The following CUL4A variants were observed in gnomAD, a reference collection of about 807,000 sequenced individuals.
CUL4A encodes cullin-4A.
In CUL4A, 16 loss-of-function variants were observed where a neutral mutation model predicts 95.5. The observed-to-expected ratio is 0.17, with a 90% confidence interval of 0.11 to 0.25. CUL4A has a LOEUF of 0.25. Among genes scored for constraint, CUL4A ranks in the 10% least tolerant of loss-of-function variants. The pLI is 1.00. For missense variants in CUL4A, 610 were observed against 937.0 expected (o/e 0.65, Z 4.56); for synonymous variants, 380 against 353.1 (o/e 1.08, Z -0.85).
At chr13:113,231,665 C>A (rs1006818062) in intron 5 of CUL4A, among the ~76,000 whole-genome samples, 11 of 152,150 alleles carry the variant, frequency 7.2e-5, no homozygotes, top group African/African-American at 2.7e-4. Context: ...GAAGGAAAGG[C>A]ACAGAGACAT....
intron 10 of CUL4A, among the ~76,000 whole-genome samples, chr13:113,242,282 T>G (rs932544147): frequency 6.7e-6 from 1 of 150,328 alleles, no homozygotes; most frequent in African/African-American, 2.4e-5. Flanking sequence ...AAAAAAAAAG[T>G]ACAAACTAAA....
At chr13:113,214,035 C>A (rs1318823658) in intron 2 of CUL4A, among the ~76,000 whole-genome samples, 1 of 152,202 alleles carries the variant, frequency 6.6e-6, no homozygotes, top group African/African-American at 2.4e-5. Context: ...AAAATAAAGT[C>A]TCAGTTTTTG....
At chr13:113,232,990 A>G (rs370916779) in intron 5 of CUL4A, among the ~76,000 whole-genome samples, 187 bp from the exon 6 acceptor site, 8 of 152,336 alleles carry the variant, frequency 5.3e-5, no homozygotes, top group African/African-American at 1.7e-4. Flanking sequence ...TGTTTAAGGA[A>G]GGAAATACAA....
intron 11 of CUL4A, among the ~76,000 whole-genome samples, chr13:113,244,015 T>C (rs9549361): frequency 0.21 from 32,607 of 152,122 alleles, 4,003 homozygotes; most frequent in South Asian, 0.43. Context: ...CCTTGGATGC[T>C]CTGAGAAAGT....
chr13:113,233,330 T>G lies in CUL4A; in HGVS notation c.666T>G (p.Ser222=), dbSNP rs966535875. 1 of 1,612,702 alleles carries G rather than the reference T, an allele frequency of 6.2e-7. No homozygotes were observed. Among genetic ancestry groups the G allele is most frequent in the East Asian group, 2.2e-5 (1 of 44,904 alleles). Residue 222 remains serine (S), a synonymous_variant, in exon 6 of 20, where the codon TCT becomes TCG. Coordinates refer to ENST00000375440, the MANE Select transcript of CUL4A (RefSeq NM_001008895.4). ...SLLRSLLGML[S]DLQVYKDSFE... Reference sequence around the variant, plus strand: ...TGCGGAGCCTCCTGGGCATGCTGTCTGACCTGCAGGTGAGTGCTGCCTGTG... The same window carrying G: ...TGCGGAGCCTCCTGGGCATGCTGTCGGACCTGCAGGTGAGTGCTGCCTGTG...
At chr13:113,209,261 C>T (rs1377709301), upstream of CUL4A, among the ~76,000 whole-genome samples, 1 of 146,958 alleles carries the variant, frequency 6.8e-6, no homozygotes. Context: ...GAGGGGTGCC[C>T]GCGGCACGCA....
At position 113,209,646 on chromosome 13, in the gene CUL4A, C is replaced by G; in HGVS notation, c.19C>G (p.Arg7Gly). MADEAP[R>G]KGSFSALVGR... Reference sequence around the variant, plus strand: ...CCCAGCCATGGCGGACGAGGCCCCGCGGAAGGGCAGCTTCTCGGCGCTCGT... The same window carrying G: ...CCCAGCCATGGCGGACGAGGCCCCGGGGAAGGGCAGCTTCTCGGCGCTCGT... Residue 7 changes from arginine (R) to glycine (G), a missense_variant, in exon 1 of 20, where the codon CGG becomes GGG. Transcript: ENST00000375440. The G allele has an allele frequency of 1.8e-6, 2 of 1,109,572 alleles. No individual in the cohort carries two copies. The highest frequency in any genetic ancestry group is 1.1e-6 in the Non-Finnish European group (1 of 911,248). 68.7% of individuals were successfully genotyped at this position (1,109,572 alleles called of 1,614,324 possible). A position where few individuals can be genotyped will look rare whatever the true frequency, so the allele number is the denominator to read the frequency against.
At chr13:113,230,978 G>T (rs1227776319) in intron 5 of CUL4A, among the ~76,000 whole-genome samples, 1 of 151,964 alleles carries the variant, frequency 6.6e-6, no homozygotes, top group Admixed American at 6.6e-5. Flanking sequence ...TTGCTATGTT[G>T]CCCAGGCTGG....
rs774717751 is a variant in CUL4A, at chr13:113,233,216, T to C, written c.552T>C (p.Ser184=). 1 of 1,614,088 alleles carries C rather than the reference T, an allele frequency of 6.2e-7. No individual in the cohort carries two copies. Among genetic ancestry groups the C allele is most frequent in the Admixed American group, 1.7e-5 (1 of 60,022 alleles). ...GLELFRTHII[S]DKMVQSKTID... is the part of the protein sequence containing the mutation. ...AACTGTTTAGAACCCATATTATTAG[T>C]GATAAAATGGTTCAGAGTAAAACCA... is the stretch of plus-strand genomic sequence containing the variant. Residue 184 remains serine (S), a synonymous_variant, in exon 6 of 20, where the codon AGT becomes AGC. Transcript: ENST00000375440.
At position 113,263,924 on chromosome 13, in the gene CUL4A, G is replaced by C. The variant is rs1056821165; in HGVS notation, c.*342G>C. 1 of 185,054 alleles carries C rather than the reference G, an allele frequency of 5.4e-6. No individual in the cohort carries two copies. The highest frequency in any genetic ancestry group is 1.1e-5 in the Non-Finnish European group (1 of 90,026). The allele number at this position is 185,054 out of a possible 1,614,324, so 11.5% of individuals were successfully genotyped here. On this transcript the variant is annotated 3_prime_UTR_variant, in exon 20 of 20. Transcript: ENST00000375440. ...AAAGCTGCAAGTTTGGTTTGTTCTCGTGTGTGATCATGAGTGCACAATGAA... is the reference window on the plus strand; with the variant it reads ...AAAGCTGCAAGTTTGGTTTGTTCTCCTGTGTGATCATGAGTGCACAATGAA...
At chr13:113,212,117 TCTATTTAAATATTTTG>T (rs1369296821) in intron 2 of CUL4A, among the ~76,000 whole-genome samples, 1 of 152,272 alleles carries the variant, frequency 6.6e-6, no homozygotes, top group Non-Finnish European at 1.5e-5. Context: ...TGACGAAGTG[TCTATTTAAATATTTTG>T]CTCATTTTTA....
intron 15 of CUL4A, among the ~76,000 whole-genome samples, chr13:113,249,993 C>T (rs111869415): frequency 7.3e-4 from 111 of 152,290 alleles, no homozygotes; most frequent in African/African-American, 2.4e-3. Flanking sequence ...AAATGCTAGA[C>T]CCTTATCAGA....
chr13:113,253,454 G>GA (rs2042044899), intron 16 of CUL4A, among the ~76,000 whole-genome samples: 1 of 151,764 alleles, frequency 6.6e-6, no homozygotes, highest in African/African-American at 2.4e-5. Flanking sequence ...AAGCAAAATT[G>GA]AAAAAAATAT....
chr13:113,263,396 AG>A, intron 19 of CUL4A, 90 bp from the exon 20 acceptor site: 1 of 490,974 alleles, frequency 2.0e-6, no homozygotes, highest in South Asian at 5.3e-5. Context: ...CTATAAGTAT[AG>A]TTACATACTT....
chr13:113,244,913 CTGA>C (rs764991739), intron 12 of CUL4A, 33 bp from the exon 13 acceptor site: 1 of 1,313,276 alleles, frequency 7.6e-7, no homozygotes, highest in Non-Finnish European at 1.1e-6. Context: ...TATCAACTCT[CTGA>C]TGTCTTGATT....
At position 113,263,792 on chromosome 13, in the gene CUL4A, T is replaced by G. The variant is rs982492476; in HGVS notation, c.*210T>G. ...CCCTCCAGTTTTTCCTCTAGTTCTT[T>G]TAGGCATTTAAATTGTTTCTGTTAC... On this transcript the variant is annotated 3_prime_UTR_variant, in exon 20 of 20. Coordinates refer to ENST00000375440, the MANE Select transcript of CUL4A (RefSeq NM_001008895.4). 13 of 400,582 alleles carry G rather than the reference T, an allele frequency of 3.2e-5. No individual in the cohort carries two copies. The highest frequency in any genetic ancestry group is 5.7e-5 in the Non-Finnish European group (13 of 227,208). The allele number at this position is 400,582 out of a possible 1,614,324, so 24.8% of individuals were successfully genotyped here. A position where few individuals can be genotyped will look rare whatever the true frequency, so the allele number is the denominator to read the frequency against.
At chr13:113,219,773 A>G (rs1362294946) in intron 3 of CUL4A, 2 of 152,246 alleles carry the variant, frequency 1.3e-5, no homozygotes, top group East Asian at 3.8e-4. Context: ...CCTCGTTCAC[A>G]GTTGCGTGTG....
intron 2 of CUL4A, among the ~76,000 whole-genome samples, chr13:113,212,118 C>G (rs1475084940): frequency 6.6e-6 from 1 of 152,218 alleles, no homozygotes; most frequent in Non-Finnish European, 1.5e-5. Context: ...GACGAAGTGT[C>G]TATTTAAATA....
At chr13:113,260,531 C>G in intron 18 of CUL4A, 76 bp from the exon 19 acceptor site, 3 of 1,345,958 alleles carry the variant, frequency 2.2e-6, no homozygotes, top group Non-Finnish European at 3.0e-6. Context: ...GCCCAGGCAA[C>G]TGAGTGAGAC....
Sources: allele counts gnomAD v4.1 joint callset (sites outside exome capture counted in the v4.1 genomes callset), GRCh38; gene constraint gnomAD v4.1.1; transcripts MANE v1.5; gene names NCBI Gene and HGNC (gene_info 2026-07-23, HGNC 2026-07-21).